The following CD36 variants were observed in gnomAD, a reference collection of about 807,000 sequenced individuals.
CD36 encodes the protein platelet glycoprotein 4.
Under a neutral mutation model 55.2 loss-of-function variants are expected in CD36, and 119 were observed. The ratio of observed to expected loss-of-function variants is 2.15; its 90% CI spans 1.86 to 2.51. CD36 has a LOEUF of 2.51. CD36 is among the 30% of genes most tolerant of loss of function. CD36 has a pLI of 0.00. For missense variants in CD36, 819 were observed against 555.5 expected, an observed-to-expected ratio of 1.47 and a Z score of -4.77; for synonymous variants, 186 against 193.6, an observed-to-expected ratio of 0.96 and a Z score of 0.33.
At chr7:80,670,932 T>C (rs2116854376) in intron 9 of CD36, 45 bp from the exon 10 acceptor site, 2 of 1,287,356 alleles carry the variant, frequency 1.6e-6, no homozygotes, top group South Asian at 2.4e-5. Context: ...CTCCAGAATG[T>C]AAGTTCAGGT....
rs765183644 is a variant in CD36 at position 80,646,808 on chromosome 7, G to T, written c.68G>T (p.Gly23Val). The change falls in exon 3 of 15, where the codon GGA becomes GTA. Residue 23 changes from glycine (G) to valine (V), a missense_variant. Transcript: ENST00000447544. ...ATTGGTGCTGTCCTGGCTGTGTTTGGAGGTATTCTAATGCCAGTTGGAGAC... is the reference window on the plus strand; with the variant it reads ...ATTGGTGCTGTCCTGGCTGTGTTTGTAGGTATTCTAATGCCAGTTGGAGAC... Reference protein sequence around the residue: ...AVIGAVLAVFGGILMPVGDLL... With the variant: ...AVIGAVLAVFVGILMPVGDLL... 8 of 1,613,870 alleles carry T rather than the reference G, an allele frequency of 5.0e-6. No homozygotes were observed. The South Asian group carries it at 6.6e-5, about 13-fold the overall frequency.
Position 80,646,646 on chromosome 7 carries a change from T to A in CD36, c.-89-6T>A. On this transcript the variant is annotated splice_region_variant and splice_polypyrimidine_tract_variant and intron_variant, in intron 2 of 14. Coordinates refer to ENST00000447544, the MANE Select transcript of CD36 (RefSeq NM_001001548.3). ...CTTCTGTTTTATGATCTCTTTCTAATGATAGAACCAGAGCTTGTAGAAACC... is the reference window on the plus strand; with the variant it reads ...CTTCTGTTTTATGATCTCTTTCTAAAGATAGAACCAGAGCTTGTAGAAACC... The A allele has an allele frequency of 7.0e-7, 1 of 1,436,342 alleles. No homozygotes were observed. The highest frequency in any genetic ancestry group is 9.8e-7 in the Non-Finnish European group (1 of 1,019,852). 89.0% of individuals were successfully genotyped at this position (1,436,342 alleles called of 1,614,324 possible).
In CD36 at chr7:80,619,135, A is replaced by AACTCTATATATATATAGG. The variant is rs1284694634; in HGVS notation, c.-184+16756_-184+16757insACTCTATATATATATAGG. Among the ~76,000 whole-genome samples, 6 of 152,182 alleles carry AACTCTATATATATATAGG rather than the reference A, an allele frequency of 3.9e-5. No homozygotes were observed. The South Asian group carries it at 1.0e-3, about 26-fold the overall frequency. The stretch of plus-strand genomic sequence containing the variant: ...AATGATTCAAAGTCTACTTTGCTTG[A>AACTCTATATATATATAGG]GCTCTATAAATGGAACAACAAAGCC... On this transcript the variant is annotated intron_variant, in intron 1 of 13. Transcript: ENST00000309881.
chr7:80,648,159 T>A (rs1363008501), intron 3 of CD36, among the ~76,000 whole-genome samples: 4 of 152,050 alleles, frequency 2.6e-5, no homozygotes, highest in Non-Finnish European at 5.9e-5. Flanking sequence ...TACAGGCCAA[T>A]GGAAACAGAC....
chr7:80,664,233 T>C (rs933082694), intron 6 of CD36, among the ~76,000 whole-genome samples, 173 bp from the exon 7 acceptor site: 3 of 152,020 alleles, frequency 2.0e-5, no homozygotes, highest in Non-Finnish European at 4.4e-5. Context: ...CTAGCACTTA[T>C]TTCTAGGCAC....
chr7:80,614,560 A>AT (rs1269433390), intron 1 of CD36, among the ~76,000 whole-genome samples: 1 of 151,938 alleles, frequency 6.6e-6, no homozygotes, highest in Non-Finnish European at 1.5e-5. Flanking sequence ...TTAGTCTGTG[A>AT]TTTTTTTGCA....
intron 6 of CD36, among the ~76,000 whole-genome samples, chr7:80,663,918 A>G (rs1433119456): frequency 2.0e-5 from 3 of 152,084 alleles, no homozygotes; most frequent in Non-Finnish European, 4.4e-5. Context: ...GAAAGCCATA[A>G]TGAATCAAAT....
rs1409940873 is a variant in CD36, at chr7:80,677,154, T to C, written c.*771T>C. On this transcript the variant is annotated 3_prime_UTR_variant, in exon 15 of 15. Coordinates refer to ENST00000447544, the MANE Select transcript of CD36 (RefSeq NM_001001548.3). ...GCTTTCTAAATTTCTACCACTTTGTTCTAGGCTAATTTTTTAAGCTAATTG... is the reference window on the plus strand; with the variant it reads ...GCTTTCTAAATTTCTACCACTTTGTCCTAGGCTAATTTTTTAAGCTAATTG... 1 of 152,192 alleles carries C rather than the reference T, an allele frequency of 6.6e-6. No homozygotes were observed. Among genetic ancestry groups the C allele is most frequent in the Non-Finnish European group, 1.5e-5 (1 of 68,024 alleles). 9.4% of individuals were successfully genotyped at this position (152,192 alleles called of 1,614,324 possible).
At position 80,672,783 on chromosome 7, in the gene CD36, C is replaced by A; in HGVS notation, c.1139C>A (p.Thr380Asn). The change falls in exon 12 of 15, where the codon ACT (threonine) becomes AAT (asparagine). Residue 380 changes from threonine to asparagine, a missense_variant. Transcript: ENST00000447544. ...TTCTCTTTTTAGATAACTGGATTCA[C>A]TTTACAATTTGCAAAACGGCTGCAG... is the stretch of plus-strand genomic sequence containing the variant. Reference protein sequence around the residue: ...YLDIEPITGFTLQFAKRLQVN... With the variant: ...YLDIEPITGFNLQFAKRLQVN... 6.2e-7 allele frequency: 1 copy of A among 1,608,564 alleles called. No individual in the cohort carries two copies. Among genetic ancestry groups the A allele is most frequent in the South Asian group, 1.1e-5 (1 of 90,864 alleles).
chr7:80,624,005 T>C (rs1326037421), intron 1 of CD36: 3 of 152,176 alleles, frequency 2.0e-5, no homozygotes, highest in African/African-American at 4.8e-5. Context: ...GGAGTGTCAA[T>C]CAAAATTCCA....
chr7:80,605,839 T>A (rs1243600123), intron 1 of CD36, among the ~76,000 whole-genome samples: 1 of 152,194 alleles, frequency 6.6e-6, no homozygotes, highest in Non-Finnish European at 1.5e-5. Flanking sequence ...TAGGTACATC[T>A]AAGCAGATGC....
At chr7:80,640,185 C>G (rs535996813) in intron 1 of CD36, among the ~76,000 whole-genome samples, 10 of 152,064 alleles carry the variant, frequency 6.6e-5, no homozygotes, top group Admixed American at 5.9e-4. Context: ...CTGAAACTTG[C>G]AAGTAGCATT....
chr7:80,661,596 A>G (rs1181321362), intron 5 of CD36, among the ~76,000 whole-genome samples: 3 of 152,202 alleles, frequency 2.0e-5, no homozygotes, highest in African/African-American at 7.2e-5. Context: ...GAAATCAGGC[A>G]AATTTTACTA....
chr7:80,635,541 C>T (rs1485790130), upstream of CD36, among the ~76,000 whole-genome samples: 1 of 152,132 alleles, frequency 6.6e-6, no homozygotes, highest in African/African-American at 2.4e-5. Flanking sequence ...TCCCAAAGTG[C>T]TGGGATTACA....
At position 80,651,550 on chromosome 7, in the gene CD36, G is replaced by T. The variant is rs10499861; in HGVS notation, c.120+4690G>T. Among the ~76,000 whole-genome samples, 1,274 of 152,100 alleles carry T rather than the reference G, an allele frequency of 8.4e-3. 57 individuals are homozygous for T. The East Asian group carries it at 0.1, about 12-fold the overall frequency. ...TCCTTCTCCCATTCTTGAAAACAAT[G>T]ATCCTTCTGTAGCTTGTAAGAAATG... is the stretch of plus-strand genomic sequence containing the variant. On this transcript the variant is annotated intron_variant, in intron 3 of 14. Transcript: ENST00000447544.
chr7:80,607,743 C>T (rs1949818), intron 1 of CD36, among the ~76,000 whole-genome samples: 60,798 of 151,818 alleles, frequency 0.4, 12,350 homozygotes, highest in South Asian at 0.47. Flanking sequence ...AGTTCTCAAG[C>T]TGAAAGTATC....
At chr7:80,666,257 G>A (rs1018901746) in intron 7 of CD36, 186 bp from the exon 8 acceptor site, 1 of 562,444 alleles carries the variant, frequency 1.8e-6, no homozygotes, top group African/African-American at 1.9e-5. Flanking sequence ...AATGGCATCA[G>A]GTACATTGCA....
At chr7:80,612,084 T>C (rs184165719) in intron 1 of CD36, among the ~76,000 whole-genome samples, 4 of 152,352 alleles carry the variant, frequency 2.6e-5, no homozygotes, top group Admixed American at 6.5e-5. Flanking sequence ...GCCCAGCTCC[T>C]GGGTGATGGG....
chr7:80,606,643 G>T (rs935140436), intron 1 of CD36, among the ~76,000 whole-genome samples: 7 of 152,136 alleles, frequency 4.6e-5, no homozygotes, highest in Non-Finnish European at 8.8e-5. Context: ...TGAAGCCAGA[G>T]AGAAACATTT....
Sources: gnomAD v4.1 joint callset for allele counts (sites outside exome capture counted in the v4.1 genomes callset) on GRCh38, gnomAD v4.1.1 for gene constraint, MANE v1.5 for transcripts, NCBI Gene and HGNC (gene_info 2026-07-23, HGNC 2026-07-21) for gene names.